Variants in LRRC37A2 observed in about 807,000 individuals in gnomAD.
LRRC37A2 encodes the protein leucine-rich repeat-containing protein 37A2.
A neutral mutation model predicts 68.8 loss-of-function variants in LRRC37A2; 9 were observed. The ratio of observed to expected loss-of-function variants is 0.13; its 90% CI spans 0.08 to 0.23. The LOEUF is 0.23. Among genes scored for constraint, LRRC37A2 ranks in the 10% least tolerant of loss-of-function variants. The probability of loss-of-function intolerance (pLI) is 1.00; values close to 1 mark genes in which losing one functional copy is unlikely to be tolerated. For synonymous variants in LRRC37A2, 63 were observed against 367.6 expected, an observed-to-expected ratio of 0.17 and a Z score of 9.48; for missense variants, 168 against 950.4, an observed-to-expected ratio of 0.18 and a Z score of 10.82.
the LRRC37A2 span, among the ~76,000 whole-genome samples, chr17:46,851,278 C>T: frequency 5.9e-5 from 9 of 152,044 alleles, no homozygotes; most frequent in Admixed American, 2.0e-4. The surrounding 1 kb of genome is among the most constrained non-coding windows in gnomAD (Gnocchi z 4.3). Flanking sequence ...CTCCTCCGTC[C>T]CCGCCTCGTA....
chr17:46,941,427 T>C, the LRRC37A2 span: 71 of 984,470 alleles, frequency 7.2e-5, no homozygotes, highest in African/African-American at 1.2e-3. Context: ...TTTTTATGTT[T>C]CTAGGCCAGA....
the LRRC37A2 span, among the ~76,000 whole-genome samples, chr17:46,831,720 G>A: frequency 6.6e-6 from 1 of 152,222 alleles, no homozygotes; most frequent in Non-Finnish European, 1.5e-5. Flanking sequence ...CCACAGAGGA[G>A]GGGACTGGGA....
At chr17:47,003,243 C>CAAAAAAAAAAAAAA in the LRRC37A2 span, among the ~76,000 whole-genome samples, 1 of 73,244 alleles carries the variant, frequency 1.4e-5, no homozygotes. Flanking sequence ...AATAGAGACT[C>CAAAAAAAAAAAAAA]AAAAAAAAAA....
At chr17:46,859,327 G>A in the LRRC37A2 span, among the ~76,000 whole-genome samples, 1 of 152,194 alleles carries the variant, frequency 6.6e-6, no homozygotes, top group Non-Finnish European at 1.5e-5. Flanking sequence ...TAACTAGTGT[G>A]TACAGCATGG....
rs1226761415 is a variant in LRRC37A2, at chr17:46,534,558, T to G, written c.2907-5618T>G. Among the ~76,000 whole-genome samples, 74 of 147,846 alleles carry G rather than the reference T, an allele frequency of 5.0e-4. 5 individuals carry two copies. The highest frequency in any genetic ancestry group is 1.9e-3 in the African/African-American group (72 of 38,160). On this transcript the variant is annotated intron_variant, in intron 6 of 14. Coordinates refer to ENST00000576629, the Ensembl canonical transcript of LRRC37A2. ...GCATCCCAAGGCAGAAGAATTTTTC[T>G]TAGTACAGAACAAAATGGAGTCTTC...
At chr17:46,739,732 ATTT>A in the LRRC37A2 span, among the ~76,000 whole-genome samples, 1 of 147,146 alleles carries the variant, frequency 6.8e-6, no homozygotes, top group Non-Finnish European at 1.5e-5. Flanking sequence ...TTTTTTTCTG[ATTT>A]TTTTTTTTCC....
the LRRC37A2 span, chr17:46,935,831 G>C: frequency 2.0e-6 from 2 of 986,208 alleles, no homozygotes; most frequent in Non-Finnish European, 2.4e-6. Context: ...CAGTCATGAT[G>C]TTTCAGCCTC....
the LRRC37A2 span, among the ~76,000 whole-genome samples, chr17:46,916,490 ATTG>A: frequency 6.6e-6 from 1 of 152,218 alleles, no homozygotes; most frequent in Non-Finnish European, 1.5e-5. Flanking sequence ...TGGATGATAT[ATTG>A]TTGTAAACAT....
At chr17:46,790,836 G>A in the LRRC37A2 span, among the ~76,000 whole-genome samples, 22 of 152,184 alleles carry the variant, frequency 1.4e-4, no homozygotes, top group African/African-American at 4.3e-4. Flanking sequence ...CTGCGCTCGC[G>A]TTTTATGTGC....
the LRRC37A2 span, among the ~76,000 whole-genome samples, chr17:46,944,296 G>A: frequency 5.3e-5 from 8 of 152,252 alleles, no homozygotes; most frequent in South Asian, 2.1e-4. Flanking sequence ...TGGTAAGAGC[G>A]CTGAGCCCAG....
the LRRC37A2 span, among the ~76,000 whole-genome samples, chr17:46,959,092 G>A: frequency 6.6e-6 from 1 of 152,204 alleles, no homozygotes; most frequent in Non-Finnish European, 1.5e-5. Context: ...GTGAGAGTCA[G>A]TACAAAGACT....
the LRRC37A2 span, among the ~76,000 whole-genome samples, chr17:46,609,794 G>T: frequency 7.1e-6 from 1 of 141,736 alleles, no homozygotes; most frequent in Non-Finnish European, 1.6e-5. Context: ...CAGTTTACTA[G>T]ATCTTCTAAT....
the LRRC37A2 span, chr17:46,755,812 G>A: frequency 1.2e-6 from 2 of 1,603,676 alleles, no homozygotes; most frequent in Non-Finnish European, 1.7e-6. Flanking sequence ...TAGCCCCCTT[G>A]ATTTTGATTG....
At chr17:46,388,936 C>T in the LRRC37A2 span, among the ~76,000 whole-genome samples, 145 of 72,122 alleles carry the variant, frequency 2.0e-3, no homozygotes, top group African/African-American at 8.1e-3. Context: ...TGGCTCACGC[C>T]TGTAATCCGA....
chr17:46,762,951 A>C, the LRRC37A2 span: 5 of 152,226 alleles, frequency 3.3e-5, no homozygotes, highest in Admixed American at 3.3e-4. Context: ...AGTATTATCC[A>C]GTTGACATGA....
At chr17:46,726,137 A>G in the LRRC37A2 span, among the ~76,000 whole-genome samples, 58 of 152,320 alleles carry the variant, frequency 3.8e-4, no homozygotes, top group Middle Eastern at 3.4e-3. Flanking sequence ...TTTCAGTGTT[A>G]CTTTTGCTTA....
the LRRC37A2 span, among the ~76,000 whole-genome samples, chr17:46,743,271 C>G: frequency 2.6e-5 from 4 of 152,206 alleles, no homozygotes; most frequent in Admixed American, 1.3e-4. Flanking sequence ...GCATCCCGTC[C>G]CTCACCCACC....
chr17:46,820,029 G>A, the LRRC37A2 span, among the ~76,000 whole-genome samples: 1 of 152,332 alleles, frequency 6.6e-6, no homozygotes, highest in Non-Finnish European at 1.5e-5. Flanking sequence ...CAGAGAATGA[G>A]CCGACCCGAG....
At chr17:46,892,751 T>G in the LRRC37A2 span, among the ~76,000 whole-genome samples, 3 of 152,168 alleles carry the variant, frequency 2.0e-5, no homozygotes, top group African/African-American at 7.2e-5. Context: ...GGCCAGGTAC[T>G]GGGGGCTCAA....
Sources: gnomAD v4.1 joint callset for allele counts (sites outside exome capture counted in the v4.1 genomes callset) on GRCh38, gnomAD v4.1.1 for gene constraint, Gnocchi (gnomAD v3.1) non-coding constraint, MANE v1.5 for transcripts, NCBI Gene and HGNC (gene_info 2026-07-23, HGNC 2026-07-21) for gene names.